The following KIAA1549L variants were observed in gnomAD, a reference collection of about 807,000 sequenced individuals.
KIAA1549L encodes the protein UPF0606 protein KIAA1549L.
In KIAA1549L, 88 loss-of-function variants were observed where a neutral mutation model predicts 160.7. The ratio of observed to expected loss-of-function variants is 0.55; its 90% CI spans 0.46 to 0.65. The LOEUF is 0.65. KIAA1549L is among the 30% of genes least tolerant of loss of function. The probability of loss-of-function intolerance (pLI) is 0.00; values close to 1 mark genes in which losing one functional copy is unlikely to be tolerated. For missense variants in KIAA1549L, 2,258 were observed against 2,437.5 expected, an observed-to-expected ratio of 0.93 and a Z score of 1.55; for synonymous variants, 950 against 976.7, an observed-to-expected ratio of 0.97 and a Z score of 0.51.
At position 33,441,715 on chromosome 11, in the gene KIAA1549L, C is replaced by T. The variant is rs199801490; in HGVS notation, c.238+64826C>T. On this transcript the variant is annotated intron_variant, in intron 1 of 20. Coordinates refer to ENST00000658780, the MANE Select transcript of KIAA1549L (RefSeq NM_012194.3). ...ATGTGTCTTTTGGCTGCATAAATGT[C>T]GTCTTTTGAGAAGTGTCTGTTCATA... is the stretch of plus-strand genomic sequence containing the variant. 1.0e-3 allele frequency among the ~76,000 whole-genome samples: 155 copies of T among 152,228 alleles called. 3 individuals carry two copies. In the East Asian group the frequency reaches 0.027, roughly 26 times the overall value.
chr11:33,650,711 C>T (rs78379251), intron 17 of KIAA1549L, among the ~76,000 whole-genome samples: 3,633 of 152,248 alleles, frequency 0.024, 192 homozygotes, highest in South Asian at 0.13. Flanking sequence ...CACTCTGTCC[C>T]TTGCTCTGTC....
chr11:33,570,370 G>A (rs866242368), intron 9 of KIAA1549L, among the ~76,000 whole-genome samples: 12 of 152,222 alleles, frequency 7.9e-5, no homozygotes, highest in Middle Eastern at 6.8e-3. Flanking sequence ...TGAGGGAAGC[G>A]GGTGGGGGTT....
chr11:33,639,728 C>T (rs544566861), intron 16 of KIAA1549L, among the ~76,000 whole-genome samples: 3 of 152,046 alleles, frequency 2.0e-5, no homozygotes, highest in South Asian at 2.1e-4. Context: ...TTAGTAGAGG[C>T]GGCATTTCAC....
chr11:33,589,896 TTAAAG>T (rs1270647412), intron 11 of KIAA1549L, among the ~76,000 whole-genome samples: 1 of 152,106 alleles, frequency 6.6e-6, no homozygotes, highest in Non-Finnish European at 1.5e-5. Context: ...ACCCTAAAAC[TTAAAG>T]TATAATAAAA....
intron 10 of KIAA1549L, 77 bp from the exon 11 acceptor site, chr11:33,583,261 G>T: frequency 7.2e-7 from 1 of 1,379,708 alleles, no homozygotes; most frequent in Non-Finnish European, 9.9e-7. Flanking sequence ...TGGGACTGGG[G>T]TGGGGGGTTA....
chr11:33,418,567 C>T (rs1486583909), intron 1 of KIAA1549L, among the ~76,000 whole-genome samples: 3 of 152,182 alleles, frequency 2.0e-5, no homozygotes, highest in East Asian at 1.9e-4. Context: ...GTAACAACCT[C>T]GCCTCGTAAC....
chr11:33,620,115 C>T (rs1390896433), intron 16 of KIAA1549L, among the ~76,000 whole-genome samples: 2 of 152,206 alleles, frequency 1.3e-5, no homozygotes, highest in Admixed American at 6.5e-5. Flanking sequence ...AAAAAGAGAA[C>T]ATTGCAGATC....
intron 1 of KIAA1549L, among the ~76,000 whole-genome samples, chr11:33,382,524 G>A (rs1277766670): frequency 6.6e-6 from 1 of 152,098 alleles, no homozygotes; most frequent in Non-Finnish European, 1.5e-5. Context: ...AGTCATGGGG[G>A]AGGTGGGCCA....
At chr11:33,394,152 C>T (rs1447972760) in intron 1 of KIAA1549L, among the ~76,000 whole-genome samples, 3 of 152,114 alleles carry the variant, frequency 2.0e-5, no homozygotes, top group Non-Finnish European at 4.4e-5. Context: ...GCCAGAGGAT[C>T]GCTTGAGCCC....
intron 1 of KIAA1549L, among the ~76,000 whole-genome samples, chr11:33,400,697 G>A (rs1019542662): frequency 6.6e-6 from 1 of 152,220 alleles, no homozygotes; most frequent in African/African-American, 2.4e-5. Context: ...ACCTAAAACT[G>A]TAGAATGTCT....
chr11:33,457,101 T>G (rs1007284199), intron 1 of KIAA1549L, among the ~76,000 whole-genome samples: 54 of 152,298 alleles, frequency 3.5e-4, no homozygotes, highest in African/African-American at 1.3e-3. Context: ...TGGGGTCCTT[T>G]TGAGGGTTTC....
At chr11:33,417,728 T>C (rs1264515739) in intron 1 of KIAA1549L, among the ~76,000 whole-genome samples, 2 of 152,194 alleles carry the variant, frequency 1.3e-5, no homozygotes, top group African/African-American at 4.8e-5. Flanking sequence ...CCCATCCCTC[T>C]TTTCCTGCTT....
At chr11:33,632,305 G>T (rs1444540250) in intron 16 of KIAA1549L, among the ~76,000 whole-genome samples, 1 of 152,194 alleles carries the variant, frequency 6.6e-6, no homozygotes. Context: ...CAGTGCAAGA[G>T]GGAATTCTCT....
chr11:33,478,271 C>G (rs199813436), intron 1 of KIAA1549L, among the ~76,000 whole-genome samples: 2 of 152,372 alleles, frequency 1.3e-5, no homozygotes, highest in Admixed American at 6.5e-5. Context: ...ACAGAACTCA[C>G]AGAGGCAAGT....
chr11:33,620,966 G>A (rs1020755049), intron 16 of KIAA1549L, among the ~76,000 whole-genome samples: 7 of 152,118 alleles, frequency 4.6e-5, no homozygotes, highest in Non-Finnish European at 7.3e-5. Flanking sequence ...GCAGTGAGCC[G>A]GTCATTCAAT....
intron 6 of KIAA1549L, among the ~76,000 whole-genome samples, chr11:33,557,730 G>T (rs1854695755): frequency 6.6e-6 from 1 of 152,108 alleles, no homozygotes; most frequent in South Asian, 2.1e-4. Context: ...CTACAAAAAT[G>T]AAATAAATTA....
chr11:33,502,151 T>C (rs1458969341), intron 1 of KIAA1549L, among the ~76,000 whole-genome samples: 2 of 152,210 alleles, frequency 1.3e-5, no homozygotes, highest in African/African-American at 4.8e-5. Flanking sequence ...ATCTTCATTT[T>C]CCCCTCTTGT....
intron 17 of KIAA1549L, among the ~76,000 whole-genome samples, chr11:33,654,584 T>C (rs1195491470): frequency 6.6e-6 from 1 of 152,226 alleles, no homozygotes; most frequent in Non-Finnish European, 1.5e-5. Flanking sequence ...TCCTTTTGTG[T>C]TGGAGGTGAG....
intron 16 of KIAA1549L, among the ~76,000 whole-genome samples, chr11:33,638,888 C>A (rs980215055): frequency 3.3e-5 from 5 of 152,096 alleles, no homozygotes; most frequent in Non-Finnish European, 7.4e-5. Context: ...CATCTTTCCA[C>A]GTGTTTATTG....
Sources: gnomAD v4.1 joint callset for allele counts (sites outside exome capture counted in the v4.1 genomes callset) on GRCh38, gnomAD v4.1.1 for gene constraint, MANE v1.5 for transcripts, NCBI Gene and HGNC (gene_info 2026-07-23, HGNC 2026-07-21) for gene names.